Variants in BBS9 observed in about 807,000 individuals in gnomAD.
BBS9 encodes Bardet-Biedl syndrome 9, also known as protein PTHB1.
A neutral mutation model predicts 117.7 loss-of-function variants in BBS9; 89 were observed. The observed-to-expected ratio is 0.76, with a 90% CI of 0.64 to 0.90. BBS9 has a LOEUF of 0.90. Ranked by LOEUF, BBS9 falls within the 40% of genes least tolerant of loss-of-function variation. The pLI is 0.00. For missense variants in BBS9, 982 were observed against 1,042.2 expected (o/e 0.94, Z 0.80); for synonymous variants, 379 against 370.9 (o/e 1.02, Z -0.25).
chr7:33,304,015 A>C (rs1807198987), intron 9 of BBS9, among the ~76,000 whole-genome samples: 1 of 148,924 alleles, frequency 6.7e-6, no homozygotes, highest in Non-Finnish European at 1.5e-5. Context: ...CCCGTCTGGG[A>C]AGTGAGGAGC....
At chr7:33,515,938 A>G (rs987453035) in intron 20 of BBS9, among the ~76,000 whole-genome samples, 1 of 152,226 alleles carries the variant, frequency 6.6e-6, no homozygotes, top group Non-Finnish European at 1.5e-5. Flanking sequence ...CTGTGCACAC[A>G]GTAACTTTTT....
intron 19 of BBS9, among the ~76,000 whole-genome samples, chr7:33,501,913 C>T (rs1845501359): frequency 1.4e-5 from 2 of 147,858 alleles, no homozygotes; most frequent in African/African-American, 2.4e-5. Context: ...TATTCAATAT[C>T]TATTCTTTTT....
At chr7:33,352,947 A>G in intron 15 of BBS9, 74 bp downstream of exon 15, 3 of 1,468,300 alleles carry the variant, frequency 2.0e-6, no homozygotes, top group Non-Finnish European at 2.8e-6. Flanking sequence ...GTATTATACC[A>G]TGAATGAACT....
intron 5 of BBS9, among the ~76,000 whole-genome samples, chr7:33,234,244 G>A (rs568609733): frequency 1.3e-5 from 2 of 152,110 alleles, no homozygotes; most frequent in East Asian, 3.9e-4. Context: ...TGTGTATAGG[G>A]TTTGGTACTA....
intron 19 of BBS9, 67 bp from the exon 20 acceptor site, chr7:33,505,396 A>G: frequency 6.7e-7 from 1 of 1,491,006 alleles, no homozygotes. Context: ...AAAGTGTGCC[A>G]GACATAATTT....
chr7:33,153,911 AAAGT>A (rs1253040962), intron 3 of BBS9, among the ~76,000 whole-genome samples: 2 of 152,198 alleles, frequency 1.3e-5, no homozygotes. Context: ...ATGGATTTAC[AAAGT>A]AAGGAGACAA....
intron 20 of BBS9, among the ~76,000 whole-genome samples, chr7:33,525,445 A>G: frequency 1.1e-5 from 1 of 87,482 alleles, no homozygotes; most frequent in Non-Finnish European, 2.2e-5. Flanking sequence ...TATTGGGTGC[A>G]TATATATTTA....
At chr7:33,381,275 T>C (rs1488073113) in intron 17 of BBS9, among the ~76,000 whole-genome samples, 3 of 152,180 alleles carry the variant, frequency 2.0e-5, no homozygotes, top group African/African-American at 4.8e-5. Context: ...TCAGCCCTAA[T>C]GATTGGTCCT....
At chr7:33,541,419 A>T (rs1852281074) in intron 21 of BBS9, among the ~76,000 whole-genome samples, 1 of 152,178 alleles carries the variant, frequency 6.6e-6, no homozygotes. Flanking sequence ...TAACACTCTT[A>T]TCGCTTATTT....
intron 9 of BBS9, among the ~76,000 whole-genome samples, chr7:33,319,026 G>C (rs1002254908): frequency 1.3e-5 from 2 of 152,094 alleles, no homozygotes; most frequent in Admixed American, 6.5e-5. Flanking sequence ...AGCTGGGTAT[G>C]GTGGTGGGCA....
chr7:33,438,049 T>C (rs1835581930), intron 19 of BBS9, among the ~76,000 whole-genome samples: 1 of 152,204 alleles, frequency 6.6e-6, no homozygotes. Context: ...CAGAAAAGCA[T>C]ATTGTAACAC....
At chr7:33,277,888 C>T (rs929811513) in intron 9 of BBS9, among the ~76,000 whole-genome samples, 2 of 152,056 alleles carry the variant, frequency 1.3e-5, no homozygotes, top group African/African-American at 4.8e-5. Flanking sequence ...ATCTTGTGAC[C>T]TCTGGAATAA....
chr7:33,353,016 A>C, intron 15 of BBS9, 143 bp downstream of exon 15: 3 of 816,772 alleles, frequency 3.7e-6, no homozygotes, highest in African/African-American at 1.7e-5. Context: ...CAGTGCCTTG[A>C]TTCTGCTATG....
At chr7:33,313,808 C>T (rs1340920328) in intron 9 of BBS9, among the ~76,000 whole-genome samples, 2 of 152,162 alleles carry the variant, frequency 1.3e-5, no homozygotes, top group Non-Finnish European at 2.9e-5. Context: ...ATAGCAATAA[C>T]AACTGAAAGC....
chr7:33,165,136 T>G lies in BBS9; in HGVS notation c.328+9434T>G, dbSNP rs4720110. On this transcript the variant is annotated intron_variant, in intron 4 of 22. Coordinates refer to ENST00000242067, the MANE Select transcript of BBS9 (RefSeq NM_198428.3). ...ATTCTGGGTTGAAAATTGTTTTCTT[T>G]AAGAATGTTGAATATTGTCCCCCAC... Among the ~76,000 whole-genome samples, 2,747 of 152,254 alleles carry G rather than the reference T, an allele frequency of 0.018. 228 individuals carry two copies. In the East Asian group the frequency reaches 0.28, roughly 15 times the overall value.
At chr7:33,168,463 A>C (rs983879399) in intron 4 of BBS9, among the ~76,000 whole-genome samples, 1 of 152,194 alleles carries the variant, frequency 6.6e-6, no homozygotes, top group East Asian at 1.9e-4. Context: ...CAGTTTACTC[A>C]ACGCATAAAT....
intron 4 of BBS9, among the ~76,000 whole-genome samples, chr7:33,172,350 C>T (rs923403000): frequency 3.3e-5 from 5 of 151,074 alleles, no homozygotes; most frequent in South Asian, 2.1e-4. Context: ...CACTGCACTC[C>T]AGCCTGGGTG....
rs148060479 is a variant in BBS9 at position 33,627,279 on chromosome 7, G to A, written c.2522-7898G>A. Among the ~76,000 whole-genome samples the A allele has an allele frequency of 9.1e-4, 139 of 152,352 alleles. 2 individuals carry two copies. Among genetic ancestry groups the A allele is most frequent in the South Asian group, 6.8e-3 (33 of 4,830 alleles). ...TCCACACGATGTTAGGCCTGCAGGT[G>A]CATAAAGGGCAAGAGTTGAGGCTTG... is the stretch of plus-strand genomic sequence containing the variant. On this transcript the variant is annotated intron_variant, in intron 21 of 21. Transcript: ENST00000671952.
chr7:33,242,698 C>T (rs2128286000), intron 5 of BBS9, among the ~76,000 whole-genome samples: 1 of 152,196 alleles, frequency 6.6e-6, no homozygotes, highest in African/African-American at 2.4e-5. Flanking sequence ...AAGCAATTAA[C>T]AAAGAATTCA....
Sources: allele counts gnomAD v4.1 joint callset (sites outside exome capture counted in the v4.1 genomes callset), GRCh38; gene constraint gnomAD v4.1.1; transcripts MANE v1.5; gene names NCBI Gene and HGNC (gene_info 2026-07-23, HGNC 2026-07-21).